ELP3: variants seen among roughly 807,000 people sequenced by gnomAD.
ELP3 encodes the protein elongator acetyltransferase complex subunit 3.
Under a neutral mutation model 74.9 loss-of-function variants are expected in ELP3, and 56 were observed. That is an observed-to-expected ratio of 0.75 (90% CI 0.60 to 0.93). ELP3 has a LOEUF of 0.93. Ranked by LOEUF, ELP3 falls within the 40% of genes least tolerant of loss-of-function variation. The pLI is 0.00. For missense variants in ELP3, 573 were observed against 686.5 expected (o/e 0.83, Z 1.85); for synonymous variants, 222 against 239.8 (o/e 0.93, Z 0.68).
intron 14 of ELP3, among the ~76,000 whole-genome samples, chr8:28,185,044 A>G (rs1002871515): frequency 3.3e-5 from 5 of 152,032 alleles, no homozygotes; most frequent in Admixed American, 6.6e-5. Context: ...AGGGAGGTTC[A>G]GTGCACTGTC....
chr8:28,112,148 TA>T (rs765387672), intron 6 of ELP3, among the ~76,000 whole-genome samples: 1 of 151,870 alleles, frequency 6.6e-6, no homozygotes, highest in African/African-American at 2.4e-5. Context: ...TTATTATTAT[TA>T]TTTTTTTTTT....
intron 10 of ELP3, among the ~76,000 whole-genome samples, chr8:28,139,107 CTGA>C (rs1813115600): frequency 6.6e-6 from 1 of 152,078 alleles, no homozygotes; most frequent in South Asian, 2.1e-4. Flanking sequence ...GTGGTGCAGG[CTGA>C]TGAAGTCAGA....
intron 9 of ELP3, among the ~76,000 whole-genome samples, chr8:28,134,476 C>G (rs78295720): frequency 0.021 from 3,260 of 152,084 alleles, 54 homozygotes; most frequent in Non-Finnish European, 0.032. Context: ...CAGAAGGGAG[C>G]TAAAATGAAA....
At chr8:28,129,724 T>C in intron 8 of ELP3, 61 bp downstream of exon 8, 1 of 1,592,524 alleles carries the variant, frequency 6.3e-7, no homozygotes, top group Non-Finnish European at 8.6e-7. Context: ...TTTCTCTACA[T>C]TCATACCCAG....
Position 28,107,930 on chromosome 8 carries a change from C to G in ELP3, c.347C>G (p.Pro116Arg). ...GNICVYCPGG[P>R]DSDFEYSTQS... ...ACTGGCAGATACTGCCCTGGTGGAC[C>G]TGATTCTGATTTTGAGTATTCCACC... Residue 116 changes from proline to arginine, a missense_variant, in exon 5 of 15, where the codon CCT becomes CGT. Transcript: ENST00000256398. The G allele has an allele frequency of 6.2e-7, 1 of 1,613,888 alleles. No homozygotes were observed. The highest frequency in any genetic ancestry group is 8.5e-7 in the Non-Finnish European group (1 of 1,179,940).
chr8:28,140,101 A>G (rs1813171097), intron 10 of ELP3, among the ~76,000 whole-genome samples: 1 of 148,204 alleles, frequency 6.7e-6, no homozygotes, highest in African/African-American at 2.5e-5. Flanking sequence ...ACCGAGGGAC[A>G]ACTGTACATA....
intron 3 of ELP3, among the ~76,000 whole-genome samples, chr8:28,102,587 G>A (rs1162887103): frequency 6.6e-6 from 1 of 152,076 alleles, no homozygotes; most frequent in African/African-American, 2.4e-5. Flanking sequence ...CTGTTTTTCT[G>A]ATGGTGCTTT....
intron 14 of ELP3, among the ~76,000 whole-genome samples, chr8:28,177,869 T>C (rs1327192400): frequency 6.6e-6 from 1 of 152,228 alleles, no homozygotes; most frequent in African/African-American, 2.4e-5. Flanking sequence ...ACTGAGCAAA[T>C]ACTTGATCAA....
chr8:28,118,758 A>C (rs967939885), intron 7 of ELP3: 15 of 152,140 alleles, frequency 9.9e-5, no homozygotes, highest in African/African-American at 3.6e-4. Flanking sequence ...TCAATCTTTA[A>C]TGCTCCTTGG....
intron 14 of ELP3, among the ~76,000 whole-genome samples, chr8:28,169,462 A>C (rs1259130969): frequency 6.6e-6 from 1 of 152,066 alleles, no homozygotes; most frequent in African/African-American, 2.4e-5. Flanking sequence ...GGTGTGTCTG[A>C]AGTTTCAGTT....
intron 10 of ELP3, among the ~76,000 whole-genome samples, chr8:28,139,993 A>G (rs1404354885): frequency 1.3e-5 from 2 of 152,202 alleles, no homozygotes; most frequent in Non-Finnish European, 1.5e-5. Context: ...GAGGATGTGC[A>G]TAGGTTATAT....
intron 9 of ELP3, among the ~76,000 whole-genome samples, chr8:28,137,391 C>T (rs1392608056): frequency 1.3e-5 from 2 of 152,040 alleles, no homozygotes; most frequent in Non-Finnish European, 1.5e-5. Context: ...ATGAACTTTC[C>T]AGGCAAAGGA....
At chr8:28,174,035 G>A (rs1814641177) in intron 14 of ELP3, among the ~76,000 whole-genome samples, 2 of 151,948 alleles carry the variant, frequency 1.3e-5, no homozygotes, top group Middle Eastern at 3.2e-3. Flanking sequence ...CCCGGAAAAT[G>A]TTCTGTGTGC....
intron 1 of ELP3, among the ~76,000 whole-genome samples, chr8:28,096,350 C>T (rs561528047): frequency 6.6e-6 from 1 of 152,314 alleles, no homozygotes; most frequent in East Asian, 1.9e-4. Flanking sequence ...CACCCTGCTC[C>T]CCTGGTCTGT....
At chr8:28,179,847 G>A (rs1363809106) in intron 14 of ELP3, among the ~76,000 whole-genome samples, 1 of 152,074 alleles carries the variant, frequency 6.6e-6, no homozygotes. Flanking sequence ...GGGAGTGGCT[G>A]TAAATGCTGT....
intron 10 of ELP3, among the ~76,000 whole-genome samples, chr8:28,155,030 G>A (rs1213755269): frequency 3.9e-5 from 6 of 152,194 alleles, no homozygotes; most frequent in Admixed American, 3.9e-4. Context: ...TCAAATGGAT[G>A]AAGTAGCTAA....
upstream of ELP3, among the ~76,000 whole-genome samples, chr8:28,092,408 T>A (rs1285960440): frequency 6.6e-6 from 1 of 152,160 alleles, no homozygotes. Context: ...TTTGTATTTT[T>A]AGTAGAGACA....
chr8:28,136,254 G>A (rs1409511079), intron 9 of ELP3, among the ~76,000 whole-genome samples: 1 of 152,122 alleles, frequency 6.6e-6, no homozygotes, highest in East Asian at 1.9e-4. Flanking sequence ...GAGCCACTGC[G>A]CCTGGCCCCT....
rs762535969 is a variant in ELP3 at position 28,106,742 on chromosome 8, C to T, written c.288C>T (p.Pro96=). 4.5e-5 allele frequency: 72 copies of T among 1,612,578 alleles called. No individual in the cohort carries two copies. In the South Asian group the frequency reaches 7.3e-4, roughly 16 times the overall value. ...CTGTCGTGGCTGTGATGTGCAAACC[C>T]CACAGATGTCCACACATCAGTTTTA... ...GIAVVAVMCK[P]HRCPHISFTG... The change falls in exon 4 of 15, where the codon CCC becomes CCT. Residue 96 remains proline (P), a synonymous_variant. Transcript: ENST00000256398.
Sources: allele counts gnomAD v4.1 joint callset (sites outside exome capture counted in the v4.1 genomes callset), GRCh38; gene constraint gnomAD v4.1.1; transcripts MANE v1.5; gene names NCBI Gene and HGNC (gene_info 2026-07-23, HGNC 2026-07-21).